CCDC191: variants seen among roughly 807,000 people sequenced by gnomAD.
The protein encoded by CCDC191 is coiled-coil domain-containing protein 191.
Under a neutral mutation model 114.0 loss-of-function variants are expected in CCDC191, and 99 were observed. The observed-to-expected ratio is 0.87, with a 90% CI of 0.74 to 1.03. CCDC191 has a LOEUF of 1.03. Ranked by LOEUF, CCDC191 falls within the 50% of genes least tolerant of loss-of-function variation. The probability of loss-of-function intolerance (pLI) is 0.00; values close to 1 mark genes in which losing one functional copy is unlikely to be tolerated. For synonymous variants in CCDC191, 351 were observed against 376.0 expected, an observed-to-expected ratio of 0.93 and a Z score of 0.77; for missense variants, 973 against 1,087.0, an observed-to-expected ratio of 0.90 and a Z score of 1.47.
chr3:114,010,600 T>C (rs1168695616), intron 9 of CCDC191, among the ~76,000 whole-genome samples, 172 bp downstream of exon 9: 1 of 152,196 alleles, frequency 6.6e-6, no homozygotes, highest in Non-Finnish European at 1.5e-5. Context: ...TATATATGAT[T>C]ATAAAAAGAA....
chr3:114,010,930 T>C lies in CCDC191; in HGVS notation c.1255A>G (p.Lys419Glu), dbSNP rs773921248. ...TCTTTTGTGAGAGCCAGCTCTCTCT[T>C]CAGGAGCTCGGCGCCATGCCAATGC... is the stretch of plus-strand genomic sequence containing the variant. ...WQHWHGAELL[K>E]RELALTKEET... Residue 419 changes from lysine (K) to glutamate (E), a missense_variant, in exon 9 of 17, where the codon AAG (lysine) becomes GAG (glutamate). Physicochemically the swap from Lys to Glu is moderately conservative, Grantham distance 56. Coordinates refer to ENST00000295878, the MANE Select transcript of CCDC191 (RefSeq NM_020817.2). The C allele has an allele frequency of 9.3e-6, 15 of 1,614,036 alleles. No individual in the cohort carries two copies. The highest frequency in any genetic ancestry group is 1.7e-4 in the Middle Eastern group (1 of 6,060).
chr3:114,019,630 T>C (rs765806046), intron 7 of CCDC191, among the ~76,000 whole-genome samples: 3 of 152,214 alleles, frequency 2.0e-5, no homozygotes, highest in Non-Finnish European at 4.4e-5. Flanking sequence ...CTTTTGGCCT[T>C]GACACCAACC....
At chr3:114,009,069 C>G (rs553016079) in intron 9 of CCDC191, among the ~76,000 whole-genome samples, 1 of 152,066 alleles carries the variant, frequency 6.6e-6, no homozygotes, top group South Asian at 2.1e-4. Context: ...AGAAAAGGTA[C>G]AGTAAAAACA....
Position 114,003,456 on chromosome 3 carries a change from T to C in CCDC191, c.1979-918A>G, listed in dbSNP as rs1267251432. 6 of 985,240 alleles carry C rather than the reference T, an allele frequency of 6.1e-6. No individual in the cohort carries two copies. The African/African-American group carries it at 1.0e-4, about 17-fold the overall frequency. The allele number at this position is 985,240 out of a possible 1,614,324, so 61.0% of individuals were successfully genotyped here. A position where few individuals can be genotyped will look rare whatever the true frequency, so the allele number is the denominator to read the frequency against. On this transcript the variant is annotated intron_variant, in intron 11 of 16. Transcript: ENST00000295878. ...AGTGCCACAGATGGCGAGAGTGAAA[T>C]TGTCTCTAAGAAGGCAGAAATAGAC...
rs893763900 is a variant in CCDC191 at position 113,964,924 on chromosome 3, T to C, written c.*231A>G. The C allele has an allele frequency of 5.1e-5, 18 of 354,244 alleles. No individual in the cohort carries two copies. The highest frequency in any genetic ancestry group is 8.5e-5 in the Non-Finnish European group (17 of 198,884). 21.9% of individuals were successfully genotyped at this position (354,244 alleles called of 1,614,324 possible). On this transcript the variant is annotated 3_prime_UTR_variant, in exon 17 of 17. Coordinates refer to ENST00000295878, the MANE Select transcript of CCDC191 (RefSeq NM_020817.2). ...ATATAGGATATATTTGAACAGACGA[T>C]CTCTAGAATGTTCCTTTGGATGATC...
chr3:113,995,287 C>T (rs753279196), intron 13 of CCDC191, among the ~76,000 whole-genome samples: 7 of 152,110 alleles, frequency 4.6e-5, no homozygotes, highest in South Asian at 2.1e-4. Flanking sequence ...GTAACAAAAC[C>T]GCATTTATAC....
At chr3:114,019,718 C>A (rs540315548) in intron 7 of CCDC191, among the ~76,000 whole-genome samples, 1 of 152,046 alleles carries the variant, frequency 6.6e-6, no homozygotes, top group African/African-American at 2.4e-5. Context: ...CTTTTCATAA[C>A]CAAAAACTGC....
intron 7 of CCDC191, among the ~76,000 whole-genome samples, chr3:114,030,264 A>T (rs1440072989): frequency 6.6e-6 from 1 of 152,158 alleles, no homozygotes; most frequent in Non-Finnish European, 1.5e-5. Context: ...TTCCATCTAA[A>T]ATATATATGA....
In CCDC191 at chr3:114,050,580, T is replaced by C. The variant is rs1190624233; in HGVS notation, c.129+3017A>G. 2.6e-5 allele frequency among the ~76,000 whole-genome samples: 4 copies of C among 152,278 alleles called. No individual in the cohort carries two copies. The East Asian group carries it at 5.8e-4, about 22-fold the overall frequency. ...CAAGGGAAGGATCTGGATTGGCCTC[T>C]CAGAGAGGAGGAGTATTCCAGGCTG... On this transcript the variant is annotated intron_variant, in intron 2 of 16. Transcript: ENST00000295878.
intron 14 of CCDC191, among the ~76,000 whole-genome samples, chr3:113,979,594 CTG>C (rs1408779617): frequency 6.6e-6 from 1 of 152,138 alleles, no homozygotes. Flanking sequence ...TTAAAAGTAA[CTG>C]TTATATTCTT....
chr3:114,006,618 A>AT (rs1491588257), intron 9 of CCDC191, among the ~76,000 whole-genome samples: 1,566 of 118,908 alleles, frequency 0.013, 50 homozygotes, highest in African/African-American at 0.047. Flanking sequence ...ATATATATAT[A>AT]AATATATATA....
chr3:114,013,212 C>A (rs1042126208), intron 8 of CCDC191, among the ~76,000 whole-genome samples: 13 of 151,416 alleles, frequency 8.6e-5, no homozygotes, highest in Non-Finnish European at 1.5e-4. Flanking sequence ...TGCCACTGCA[C>A]TCCAGCCTGG....
intron 8 of CCDC191, 75 bp from the exon 9 acceptor site, chr3:114,011,096 AAGTCCAAAAGGGTTCT>A: frequency 6.8e-7 from 1 of 1,462,766 alleles, no homozygotes; most frequent in Non-Finnish European, 9.2e-7. Context: ...AATGAAACAT[AAGTCCAAAAGGGTTCT>A]AGAAATGCTC....
chr3:113,966,476 CTGG>C (rs1364949694), intron 16 of CCDC191, among the ~76,000 whole-genome samples: 1 of 152,128 alleles, frequency 6.6e-6, no homozygotes, highest in African/African-American at 2.4e-5. Context: ...ACTACCCAGT[CTGG>C]TGGTGAGGAG....
At chr3:114,021,243 A>C (rs1383088815) in intron 7 of CCDC191, among the ~76,000 whole-genome samples, 1 of 152,156 alleles carries the variant, frequency 6.6e-6, no homozygotes, top group Non-Finnish European at 1.5e-5. Flanking sequence ...TTTTGAGTTT[A>C]TAAATTCTAT....
intron 12 of CCDC191, 135 bp downstream of exon 12, chr3:114,002,321 T>A (rs1389473930): frequency 3.3e-6 from 2 of 604,022 alleles, no homozygotes; most frequent in East Asian, 3.0e-5. Context: ...TTCAGGCCAC[T>A]AGGCCAAAAA....
intron 13 of CCDC191, among the ~76,000 whole-genome samples, chr3:113,981,222 T>C (rs1017625459): frequency 6.6e-6 from 1 of 152,190 alleles, no homozygotes; most frequent in African/African-American, 2.4e-5. Context: ...CTTACTAGTA[T>C]TTTTCTTTTT....
At chr3:113,998,250 G>A (rs1252939439) in intron 13 of CCDC191, among the ~76,000 whole-genome samples, 1 of 145,694 alleles carries the variant, frequency 6.9e-6, no homozygotes. Flanking sequence ...AAGTTGCAGT[G>A]AGCCGAGATC....
At chr3:114,012,711 AAT>A (rs2076091446) in intron 8 of CCDC191, among the ~76,000 whole-genome samples, 2 of 152,194 alleles carry the variant, frequency 1.3e-5, no homozygotes, top group African/African-American at 2.4e-5. Context: ...AATTTCCATC[AAT>A]CTGCTCTGGA....
Sources: gnomAD v4.1 joint callset for allele counts (sites outside exome capture counted in the v4.1 genomes callset) on GRCh38, gnomAD v4.1.1 for gene constraint, MANE v1.5 for transcripts, NCBI Gene and HGNC (gene_info 2026-07-23, HGNC 2026-07-21) for gene names.